The following PACRGL variants were observed in gnomAD, a reference collection of about 807,000 sequenced individuals.
PACRGL encodes the protein parkin coregulated like, also known as PACRG-like protein.
A neutral mutation model predicts 34.5 loss-of-function variants in PACRGL; 38 were observed. That is an observed-to-expected ratio of 1.10 (90% CI 0.85 to 1.44). The LOEUF is 1.44. PACRGL is among the 40% of genes most tolerant of loss of function. PACRGL has a pLI of 0.00. For missense variants in PACRGL, 305 were observed against 281.4 expected, an observed-to-expected ratio of 1.08 and a Z score of -0.60; for synonymous variants, 128 against 100.1, an observed-to-expected ratio of 1.28 and a Z score of -1.66.
chr4:20,732,545 ATAG>A lies in PACRGL; in HGVS notation c.*5205_*5207del. ...ATTCAAAACCAAAGCTATTAAATTA[ATAG>A]GATGCTAAATACTGTTTTGTTTCAG... On this transcript the variant is annotated 3_prime_UTR_variant, in exon 9 of 9. Transcript: ENST00000503585. 3 of 667,658 alleles carry A rather than the reference ATAG, an allele frequency of 4.5e-6. No individual in the cohort carries two copies. Among genetic ancestry groups the A allele is most frequent in the Non-Finnish European group, 8.0e-6 (3 of 376,196 alleles). 41.4% of individuals were successfully genotyped at this position (667,658 alleles called of 1,614,324 possible). A position where few individuals can be genotyped will look rare whatever the true frequency, so the allele number is the denominator to read the frequency against.
chr4:20,711,630 GATT>G (rs1399096369), intron 5 of PACRGL, among the ~76,000 whole-genome samples: 5 of 152,154 alleles, frequency 3.3e-5, no homozygotes, highest in African/African-American at 1.2e-4. Context: ...TTTTGCAGCT[GATT>G]ATATTTCTTC....
At chr4:20,713,646 C>G in intron 7 of PACRGL, 107 bp downstream of exon 7, 1 of 864,138 alleles carries the variant, frequency 1.2e-6, no homozygotes, top group Non-Finnish European at 1.8e-6. Context: ...CCTTAAAAAT[C>G]TCCCTCTACA....
At position 20,724,894 on chromosome 4, in the gene PACRGL, T is replaced by C; in HGVS notation, c.690+6T>C. The C allele has an allele frequency of 1.4e-6, 2 of 1,437,658 alleles. No individual in the cohort carries two copies. Among genetic ancestry groups the C allele is most frequent in the African/African-American group, 3.0e-5 (2 of 66,412 alleles). The allele number at this position is 1,437,658 out of a possible 1,614,324, so 89.1% of individuals were successfully genotyped here. On this transcript the variant is annotated splice_donor_region_variant and intron_variant, in intron 8 of 8. Transcript: ENST00000503585. ...TAGAGCAACATGGTGGAAGTGTAAG[T>C]AGAATATTATTCCTTAAGTCTTTTT...
At chr4:20,703,483 T>A (rs1484993219) in intron 1 of PACRGL, among the ~76,000 whole-genome samples, 1 of 131,452 alleles carries the variant, frequency 7.6e-6, no homozygotes, top group East Asian at 2.8e-4. Context: ...TATGAGTGTG[T>A]GTGTGTGTGT....
Position 20,729,739 on chromosome 4 carries a change from C to CAAAAAACACTGATATTTT in PACRGL, c.*2403_*2420dup, listed in dbSNP as rs1553881928. 2.6e-5 allele frequency: 5 copies of CAAAAAACACTGATATTTT among 193,800 alleles called. No homozygotes were observed. Among genetic ancestry groups the CAAAAAACACTGATATTTT allele is most frequent in the Non-Finnish European group, 4.2e-5 (4 of 96,146 alleles). 12.0% of individuals were successfully genotyped at this position (193,800 alleles called of 1,614,324 possible). A position where few individuals can be genotyped will look rare whatever the true frequency, so the allele number is the denominator to read the frequency against. ...GGACTGAATACATACAAATGAGTAG[C>CAAAAAACACTGATATTTT]AAAAAACACTGATATTTTAAAATCA... On this transcript the variant is annotated 3_prime_UTR_variant, in exon 9 of 9. Coordinates refer to ENST00000503585, the MANE Select transcript of PACRGL (RefSeq NM_001258345.3).
chr4:20,738,064 A>G (rs1357070001), intron 8 of PACRGL, among the ~76,000 whole-genome samples: 2 of 151,880 alleles, frequency 1.3e-5, no homozygotes, highest in African/African-American at 4.8e-5. Flanking sequence ...CAGAAGGTCG[A>G]GGCTACAGTG....
intron 8 of PACRGL, among the ~76,000 whole-genome samples, chr4:20,750,471 G>GT (rs1333895176): frequency 1.3e-5 from 2 of 152,138 alleles, no homozygotes; most frequent in African/African-American, 2.4e-5. Context: ...TGGGTCCTGG[G>GT]TGGGATTCAA....
At chr4:20,707,611 A>G (rs1010061429) in intron 3 of PACRGL, among the ~76,000 whole-genome samples, 192 bp from the exon 4 acceptor site, 1 of 109,570 alleles carries the variant, frequency 9.1e-6, no homozygotes, top group African/African-American at 4.1e-5. Context: ...CTGAATCGTT[A>G]GGGGAAAAAG....
intron 7 of PACRGL, among the ~76,000 whole-genome samples, chr4:20,715,896 C>T (rs952013414): frequency 6.6e-6 from 1 of 152,020 alleles, no homozygotes; most frequent in Admixed American, 6.6e-5. Context: ...TGGATAAAAG[C>T]TAATGAATGG....
intron 4 of PACRGL, among the ~76,000 whole-genome samples, chr4:20,708,149 C>T (rs1390521792): frequency 6.6e-6 from 1 of 152,050 alleles, no homozygotes; most frequent in Non-Finnish European, 1.5e-5. Context: ...TAAGCATTTG[C>T]AGGCTTGGGC....
At chr4:20,740,306 G>T (rs1750755265) in intron 8 of PACRGL, among the ~76,000 whole-genome samples, 1 of 152,096 alleles carries the variant, frequency 6.6e-6, no homozygotes, top group African/African-American at 2.4e-5. Flanking sequence ...TTGAAATGAA[G>T]GAAAGAAAGT....
chr4:20,719,963 C>T (rs1265791408), intron 7 of PACRGL, among the ~76,000 whole-genome samples: 6 of 151,924 alleles, frequency 3.9e-5, no homozygotes, highest in South Asian at 2.1e-4. Flanking sequence ...GTGTGGGAGT[C>T]GAAATCTCTT....
At chr4:20,721,657 A>G (rs969695039) in intron 7 of PACRGL, among the ~76,000 whole-genome samples, 8 of 152,076 alleles carry the variant, frequency 5.3e-5, no homozygotes, top group Non-Finnish European at 8.8e-5. Flanking sequence ...CTGAACAGCA[A>G]ATGTTGCTGC....
At position 20,728,561 on chromosome 4, in the gene PACRGL, T is replaced by C. The variant is rs1415986430; in HGVS notation, c.*1220T>C. On this transcript the variant is annotated 3_prime_UTR_variant, in exon 9 of 9. Coordinates refer to ENST00000503585, the MANE Select transcript of PACRGL (RefSeq NM_001258345.3). ...GCCATCTAGAAAGTACTGTAAGATTTAATTAATTACAAAATTTCTTGGAAA... is the reference window on the plus strand; with the variant it reads ...GCCATCTAGAAAGTACTGTAAGATTCAATTAATTACAAAATTTCTTGGAAA... 3 of 152,538 alleles carry C rather than the reference T, an allele frequency of 2.0e-5. No homozygotes were observed. The highest frequency in any genetic ancestry group is 2.9e-5 in the Non-Finnish European group (2 of 68,044). 9.4% of individuals were successfully genotyped at this position (152,538 alleles called of 1,614,324 possible).
At chr4:20,716,747 G>C (rs1205288402) in intron 7 of PACRGL, among the ~76,000 whole-genome samples, 1 of 152,130 alleles carries the variant, frequency 6.6e-6, no homozygotes, top group Non-Finnish European at 1.5e-5. Flanking sequence ...TGGACATTTG[G>C]GTTGGTTCCA....
upstream of PACRGL, chr4:20,700,313 C>A (rs1203842432): frequency 6.6e-6 from 1 of 152,280 alleles, no homozygotes; most frequent in African/African-American, 2.4e-5. Context: ...GTGAGCTGCC[C>A]CCTGAACTCC....
rs1226376648 is a variant in PACRGL, at chr4:20,704,751, A to G, written c.144A>G (p.Pro48=). The G allele has an allele frequency of 6.2e-7, 1 of 1,613,998 alleles. No individual in the cohort carries two copies. The highest frequency in any genetic ancestry group is 8.5e-7 in the Non-Finnish European group (1 of 1,179,974). The change falls in exon 3 of 9, where the codon CCA becomes CCG. Residue 48 remains proline, a synonymous_variant. Transcript: ENST00000503585. ...GSKSSLSTSS[P]ESARKLHPRP... ...AATCCTCATTGTCAACCAGTTCTCCAGAGTCTGCAAGAAAACTTCATCCTA... is the reference window on the plus strand; with the variant it reads ...AATCCTCATTGTCAACCAGTTCTCCGGAGTCTGCAAGAAAACTTCATCCTA...
chr4:20,697,913 C>T (rs764811592), upstream of PACRGL, among the ~76,000 whole-genome samples: 18 of 152,122 alleles, frequency 1.2e-4, no homozygotes, highest in Non-Finnish European at 2.5e-4. Flanking sequence ...AAAAGCCCCA[C>T]CTCCAAATAC....
chr4:20,731,992 C>G lies in PACRGL; in HGVS notation c.*4651C>G. ...GATAGCTGAATTGATAGTTATTACA[C>G]TTTCATTACTTACTTTTTGGCAGCT... On this transcript the variant is annotated 3_prime_UTR_variant, in exon 9 of 9. Transcript: ENST00000503585. 2 of 1,612,934 alleles carry G rather than the reference C, an allele frequency of 1.2e-6. No individual in the cohort carries two copies. The highest frequency in any genetic ancestry group is 1.7e-6 in the Non-Finnish European group (2 of 1,179,604).
Sources: allele counts gnomAD v4.1 joint callset (sites outside exome capture counted in the v4.1 genomes callset), GRCh38; gene constraint gnomAD v4.1.1; transcripts MANE v1.5; gene names NCBI Gene and HGNC (gene_info 2026-07-23, HGNC 2026-07-21).